Variants in DLG2 observed in about 807,000 individuals in gnomAD.
The protein encoded by DLG2 is disks large homolog 2.
Under a neutral mutation model 132.5 loss-of-function variants are expected in DLG2, and 45 were observed. The observed-to-expected ratio is 0.34, with a 90% CI of 0.27 to 0.44. The LOEUF is 0.44. Ranked by LOEUF, DLG2 falls within the 20% of genes least tolerant of loss-of-function variation. The pLI, the probability that DLG2 is intolerant of heterozygous loss-of-function variation, is 1.00. For synonymous variants in DLG2, 424 were observed against 419.6 expected (o/e 1.01, Z -0.13); for missense variants, 1,045 against 1,196.9 (o/e 0.87, Z 1.87).
At chr11:84,335,283 A>T (rs1319752344) in intron 7 of DLG2, among the ~76,000 whole-genome samples, 1 of 151,922 alleles carries the variant, frequency 6.6e-6, no homozygotes, top group East Asian at 1.9e-4. Flanking sequence ...GGAGGGAGGA[A>T]AAGGTAGACA....
At chr11:83,890,881 G>T (rs769492554) in intron 15 of DLG2, among the ~76,000 whole-genome samples, 3 of 152,102 alleles carry the variant, frequency 2.0e-5, no homozygotes, top group Non-Finnish European at 4.4e-5. Context: ...AATTGCATGT[G>T]GTGTGTGAGT....
intron 3 of DLG2, among the ~76,000 whole-genome samples, chr11:85,449,437 T>C (rs1481597882): frequency 6.6e-6 from 1 of 152,056 alleles, no homozygotes; most frequent in African/African-American, 2.4e-5. Context: ...TTTTTAACCA[T>C]CTACTTTTTA....
intron 4 of DLG2, among the ~76,000 whole-genome samples, chr11:85,220,541 CTAAA>C (rs2074565240): frequency 6.6e-6 from 1 of 151,414 alleles, no homozygotes; most frequent in Non-Finnish European, 1.5e-5. Context: ...CCACTACCAA[CTAAA>C]TAGTCATTGC....
intron 6 of DLG2, among the ~76,000 whole-genome samples, chr11:84,781,092 C>A (rs2153908541): frequency 8.8e-6 from 1 of 114,176 alleles, no homozygotes; most frequent in East Asian, 2.4e-4. Context: ...TGTGTGTATA[C>A]TTTCTAAGTA....
chr11:84,093,760 G>A lies in DLG2; in HGVS notation c.749+5163C>T, dbSNP rs112474521. Among the ~76,000 whole-genome samples, 973 of 151,762 alleles carry A rather than the reference G, an allele frequency of 6.4e-3. 10 individuals are homozygous for A. The highest frequency in any genetic ancestry group is 0.022 in the African/African-American group (907 of 41,374). On this transcript the variant is annotated intron_variant, in intron 10 of 27. Transcript: ENST00000376104. Reference sequence around the variant, plus strand: ...CTCCTGAGTAGCTGGGATTACAGGCGCCCACCACAACACCCCGCTAATTTT... The same window carrying A: ...CTCCTGAGTAGCTGGGATTACAGGCACCCACCACAACACCCCGCTAATTTT...
intron 3 of DLG2, among the ~76,000 whole-genome samples, chr11:85,377,817 G>GTGTGTACACATATATA (rs2085540999): frequency 6.9e-6 from 1 of 144,276 alleles, no homozygotes; most frequent in African/African-American, 2.5e-5. Context: ...GTGTGTGTGT[G>GTGTGTACACATATATA]TGTGTGTATA....
At chr11:84,903,857 T>G (rs1376579722) in intron 6 of DLG2, among the ~76,000 whole-genome samples, 1 of 152,136 alleles carries the variant, frequency 6.6e-6, no homozygotes, top group Non-Finnish European at 1.5e-5. Context: ...TCAGAAAAAT[T>G]ATTTCCAACA....
chr11:85,092,873 C>A (rs771542335), intron 6 of DLG2, among the ~76,000 whole-genome samples: 8 of 152,084 alleles, frequency 5.3e-5, no homozygotes, highest in Admixed American at 3.3e-4. Context: ...GATCTCCTGA[C>A]CTCATGATCC....
At chr11:83,476,409 AC>A (rs969321944) in intron 22 of DLG2, among the ~76,000 whole-genome samples, 1 of 152,126 alleles carries the variant, frequency 6.6e-6, no homozygotes, top group African/African-American at 2.4e-5. Context: ...TCGAGTTTGA[AC>A]CTTGATTAAA....
At chr11:85,520,054 T>C (rs1227380700) in intron 3 of DLG2, among the ~76,000 whole-genome samples, 1 of 151,220 alleles carries the variant, frequency 6.6e-6, no homozygotes, top group Non-Finnish European at 1.5e-5. Context: ...TTTTTTTTTT[T>C]ATATTTGGTG....
intron 18 of DLG2, among the ~76,000 whole-genome samples, chr11:83,763,865 G>C (rs948603371): frequency 7.9e-5 from 12 of 151,974 alleles, no homozygotes; most frequent in Non-Finnish European, 1.5e-5. Context: ...TCTCTCACTG[G>C]TCCTGTCATA....
At chr11:83,918,606 A>G (rs2154118591) in intron 15 of DLG2, among the ~76,000 whole-genome samples, 1 of 152,350 alleles carries the variant, frequency 6.6e-6, no homozygotes, top group South Asian at 2.1e-4. Flanking sequence ...ATGAGTCACA[A>G]GAATCCCAGA....
intron 3 of DLG2, among the ~76,000 whole-genome samples, chr11:85,318,178 C>G (rs2080818397): frequency 6.6e-6 from 1 of 151,752 alleles, no homozygotes; most frequent in Admixed American, 6.6e-5. Flanking sequence ...GTTTTAAGAC[C>G]AGCTGCATGT....
chr11:84,078,562 T>G (rs577958895), intron 10 of DLG2, among the ~76,000 whole-genome samples: 5 of 152,236 alleles, frequency 3.3e-5, no homozygotes, highest in Admixed American at 6.5e-5. Context: ...AAATACCAAT[T>G]AAATGGAAAA....
At chr11:85,181,303 C>T (rs951447767) in intron 4 of DLG2, among the ~76,000 whole-genome samples, 2 of 151,618 alleles carry the variant, frequency 1.3e-5, no homozygotes, top group Non-Finnish European at 3.0e-5. Flanking sequence ...CAATCCATCA[C>T]CTCAAGCATT....
At chr11:84,056,184 C>T (rs1378493682) in intron 11 of DLG2, among the ~76,000 whole-genome samples, 2 of 151,946 alleles carry the variant, frequency 1.3e-5, no homozygotes, top group East Asian at 1.9e-4. Context: ...TTTTAAGCCC[C>T]GTGTGCATTA....
intron 19 of DLG2, among the ~76,000 whole-genome samples, chr11:83,556,313 A>G (rs1479464281): frequency 6.6e-6 from 1 of 152,208 alleles, no homozygotes; most frequent in African/African-American, 2.4e-5. Context: ...TTCTACTGAG[A>G]AGAAAAAAAG....
At chr11:85,323,985 G>C (rs1203523665) in intron 3 of DLG2, among the ~76,000 whole-genome samples, 1 of 152,136 alleles carries the variant, frequency 6.6e-6, no homozygotes, top group Non-Finnish European at 1.5e-5. Flanking sequence ...GATGGTAGTG[G>C]GCTTCCAGCA....
At chr11:84,720,281 T>G (rs1596472480) in intron 6 of DLG2, 1 of 985,448 alleles carries the variant, frequency 1.0e-6, no homozygotes, top group Non-Finnish European at 1.2e-6. Context: ...TAAAAAGACA[T>G]GAACCTCTTC....
Sources: allele counts gnomAD v4.1 joint callset (sites outside exome capture counted in the v4.1 genomes callset), GRCh38; gene constraint gnomAD v4.1.1; transcripts MANE v1.5; gene names NCBI Gene and HGNC (gene_info 2026-07-23, HGNC 2026-07-21).